RYR3: variants seen among roughly 807,000 people sequenced by gnomAD.
RYR3 encodes the protein ryanodine receptor 3.
In RYR3, 207 loss-of-function variants were observed where a neutral mutation model predicts 584.3. The ratio of observed to expected loss-of-function variants is 0.35; its 90% CI spans 0.32 to 0.40. RYR3 has a LOEUF of 0.40. Ranked by LOEUF, RYR3 falls within the 10% of genes least tolerant of loss-of-function variation. The pLI, the probability that RYR3 is intolerant of heterozygous loss-of-function variation, is 1.00. For synonymous variants in RYR3, 2,416 were observed against 2,248.5 expected, an observed-to-expected ratio of 1.07 and a Z score of -2.11; for missense variants, 5,616 against 6,089.2, an observed-to-expected ratio of 0.92 and a Z score of 2.59.
intron 1 of RYR3, among the ~76,000 whole-genome samples, chr15:33,419,830 G>A (rs1350790231): frequency 1.3e-5 from 2 of 152,134 alleles, no homozygotes; most frequent in Non-Finnish European, 2.9e-5. Context: ...GAGGGCGCTG[G>A]TGTTGATGTA....
intron 1 of RYR3, among the ~76,000 whole-genome samples, chr15:33,374,675 T>G (rs1488572445): frequency 6.6e-6 from 1 of 152,236 alleles, no homozygotes; most frequent in East Asian, 1.9e-4. Flanking sequence ...AACACATTTG[T>G]GCTCTGAATG....
intron 16 of RYR3, among the ~76,000 whole-genome samples, chr15:33,600,867 A>T (rs1323133772): frequency 6.6e-6 from 1 of 152,142 alleles, no homozygotes; most frequent in Non-Finnish European, 1.5e-5. Context: ...TAAGACCTGT[A>T]ATATTTTATT....
intron 59 of RYR3, 36 bp from the exon 60 acceptor site, chr15:33,757,439 A>G (rs1322811337): frequency 3.8e-6 from 6 of 1,582,394 alleles, no homozygotes; most frequent in African/African-American, 2.7e-5. Flanking sequence ...AGTTTTGGAT[A>G]GCTTCCTAGA....
chr15:33,732,366 C>T (rs1298578117), intron 48 of RYR3, among the ~76,000 whole-genome samples: 28 of 140,342 alleles, frequency 2.0e-4, no homozygotes, highest in Admixed American at 5.2e-4. Flanking sequence ...CCAGCCTGGG[C>T]GACAGAGCAA....
At chr15:33,813,407 C>G (rs745510757) in intron 73 of RYR3, 60 bp from the exon 74 acceptor site, 69 of 1,445,556 alleles carry the variant, frequency 4.8e-5, no homozygotes, top group Admixed American at 1.0e-4. Flanking sequence ...CTACAGGTGA[C>G]TAGCTTCTGC....
chr15:33,848,482 C>G (rs2078868348), intron 94 of RYR3, 61 bp downstream of exon 94: 1 of 1,531,336 alleles, frequency 6.5e-7, no homozygotes, highest in Non-Finnish European at 8.8e-7. Context: ...AATAGAGTAA[C>G]TCTTTCCTCC....
At position 33,706,993 on chromosome 15, in the gene RYR3, C is replaced by G. The variant is rs1272717599; in HGVS notation, c.6558C>G (p.Gly2186=). 3.1e-6 allele frequency: 5 copies of G among 1,613,918 alleles called. No individual in the cohort carries two copies. The Admixed American group carries it at 5.0e-5, about 16-fold the overall frequency. Reference sequence around the variant, plus strand: ...TGGCCAAAGGATACCCTGATGTCGGCTGGAACCCCATTGAAGGGGAACGCT... The same window carrying G: ...TGGCCAAAGGATACCCTGATGTCGGGTGGAACCCCATTGAAGGGGAACGCT... ...MLLAKGYPDV[G]WNPIEGERYL... Residue 2186 remains glycine (G), a synonymous_variant, in exon 43 of 104, where the codon GGC becomes GGG. Coordinates refer to ENST00000634891, the MANE Select transcript of RYR3 (RefSeq NM_001036.6).
chr15:33,497,297 GTCTT>G (rs1370340102), intron 2 of RYR3, among the ~76,000 whole-genome samples: 1 of 152,122 alleles, frequency 6.6e-6, no homozygotes, highest in African/African-American at 2.4e-5. Flanking sequence ...TGTCTACATG[GTCTT>G]TCTGACACTT....
rs2074676222 is a variant in RYR3, at chr15:33,785,875, G to A, written c.9482G>A (p.Cys3161Tyr). 1 of 1,613,838 alleles carries A rather than the reference G, an allele frequency of 6.2e-7. No individual in the cohort carries two copies. The highest frequency in any genetic ancestry group is 8.5e-7 in the Non-Finnish European group (1 of 1,179,848). Residue 3161 changes from cysteine (C) to tyrosine (Y), a missense_variant, in exon 66 of 104, where the codon TGC becomes TAC. By Grantham distance (194) the Cys-to-Tyr change is radical. Coordinates refer to ENST00000634891, the MANE Select transcript of RYR3 (RefSeq NM_001036.6). ...CTGCCCCCCAGCACAGGGCCATGCT[G>A]CACCAAGGTCACCTCTGAACACCTC... is the stretch of plus-strand genomic sequence containing the variant. ...ENLPPSTGPC[C>Y]TKVTSEHLSL...
intron 89 of RYR3, among the ~76,000 whole-genome samples, chr15:33,840,374 G>A (rs140095144): frequency 2.6e-5 from 4 of 152,328 alleles, no homozygotes; most frequent in Non-Finnish European, 5.9e-5. Flanking sequence ...GCTGTGTTGA[G>A]GAGCTTGAAT....
intron 10 of RYR3, among the ~76,000 whole-genome samples, chr15:33,550,971 A>G (rs892774): frequency 0.09 from 13,691 of 152,184 alleles, 1,900 homozygotes; most frequent in African/African-American, 0.3. Flanking sequence ...ATCCTCTGGT[A>G]GTTAGGTTAA....
At chr15:33,433,322 G>A (rs1361563269) in intron 1 of RYR3, among the ~76,000 whole-genome samples, 1 of 152,064 alleles carries the variant, frequency 6.6e-6, no homozygotes, top group Non-Finnish European at 1.5e-5. Context: ...CAAATGTTAG[G>A]CATGTCCCCC....
Position 33,635,777 on chromosome 15 carries a change from G to C in RYR3, c.3339G>C (p.Glu1113Asp). 1.9e-6 allele frequency: 3 copies of C among 1,613,592 alleles called. No homozygotes were observed. The highest frequency in any genetic ancestry group is 2.5e-6 in the Non-Finnish European group (3 of 1,179,838). ...WARPGCRPDV[E>D]LGADDQAFVF... ...GGCCAGGCTGTCGACCTGATGTCGAGCTGGGGGCCGATGACCAAGCCTTTG... is the reference window on the plus strand; with the variant it reads ...GGCCAGGCTGTCGACCTGATGTCGACCTGGGGGCCGATGACCAAGCCTTTG... The change falls in exon 26 of 104, where the codon GAG (glutamate) becomes GAC (aspartate). Residue 1113 changes from glutamate to aspartate, a missense_variant. This residue lies in a region of RYR3 where 152 missense variants were observed against 200.9 expected (regional missense o/e 0.76). Coordinates refer to ENST00000634891, the MANE Select transcript of RYR3 (RefSeq NM_001036.6).
intron 60 of RYR3, among the ~76,000 whole-genome samples, chr15:33,764,492 G>A: frequency 6.6e-6 from 1 of 151,884 alleles, no homozygotes; most frequent in South Asian, 2.1e-4. Flanking sequence ...CAGGTTGATG[G>A]GTGCAGCAAA....
intron 16 of RYR3, among the ~76,000 whole-genome samples, chr15:33,592,978 A>G (rs1030353038): frequency 2.6e-5 from 4 of 152,212 alleles, no homozygotes; most frequent in African/African-American, 4.8e-5. Flanking sequence ...AAGAAGTACA[A>G]TGGTTCAGTC....
chr15:33,726,855 T>C (rs1413071909), intron 46 of RYR3, among the ~76,000 whole-genome samples: 3 of 152,256 alleles, frequency 2.0e-5, no homozygotes, highest in African/African-American at 4.8e-5. Context: ...CATTAGATTG[T>C]ATTCCCAACA....
chr15:33,568,621 G>A (rs1287769951), intron 12 of RYR3, among the ~76,000 whole-genome samples: 1 of 152,012 alleles, frequency 6.6e-6, no homozygotes, highest in African/African-American at 2.4e-5. Context: ...TGTAGAGATG[G>A]GGCCTCACTG....
chr15:33,812,547 G>C (rs1203120614), intron 72 of RYR3, among the ~76,000 whole-genome samples: 1 of 151,920 alleles, frequency 6.6e-6, no homozygotes, highest in Non-Finnish European at 1.5e-5. Flanking sequence ...CCTAATAAAT[G>C]GGTTAAAAAT....
At chr15:33,312,995 C>T (rs1967570113) in intron 1 of RYR3, among the ~76,000 whole-genome samples, 1 of 152,216 alleles carries the variant, frequency 6.6e-6, no homozygotes, top group African/African-American at 2.4e-5. Flanking sequence ...CCCATGACAG[C>T]CTGTGGGGTT....
Sources: allele counts gnomAD v4.1 joint callset (sites outside exome capture counted in the v4.1 genomes callset), GRCh38; gene constraint gnomAD v4.1.1; regional missense constraint gnomAD v4.1.1; transcripts MANE v1.5; gene names NCBI Gene and HGNC (gene_info 2026-07-23, HGNC 2026-07-21).